Variants in MTMR7 observed in about 807,000 individuals in gnomAD.
The protein encoded by MTMR7 is myotubularin related protein 7, also known as phosphatidylinositol-3-phosphate phosphatase MTMR7.
Under a neutral mutation model 81.2 loss-of-function variants are expected in MTMR7, and 76 were observed. The observed-to-expected ratio is 0.94, with a 90% CI of 0.78 to 1.13. The LOEUF (loss-of-function observed/expected upper bound fraction) is 1.13, where lower values mean the gene tolerates loss of function less well. Ranked by LOEUF, MTMR7 falls within the 50% of genes most tolerant of loss-of-function variation. MTMR7 has a pLI of 0.00. For synonymous variants in MTMR7, 372 were observed against 289.8 expected (o/e 1.28, Z -2.88); for missense variants, 1,044 against 820.0 (o/e 1.27, Z -3.34).
intron 4 of MTMR7, among the ~76,000 whole-genome samples, chr8:17,359,702 C>G (rs919373705): frequency 1.3e-5 from 2 of 151,328 alleles, no homozygotes; most frequent in African/African-American, 2.4e-5. Flanking sequence ...AATGGTCAAT[C>G]AATATAGAAA....
chr8:17,339,020 G>A (rs1819334146), intron 6 of MTMR7: 2 of 152,108 alleles, frequency 1.3e-5, no homozygotes, highest in Admixed American at 1.3e-4. Context: ...CCATTATCCT[G>A]GACACAAATC....
Position 17,351,648 on chromosome 8 carries a change from A to T in MTMR7, c.469-2567T>A, listed in dbSNP as rs190255799. On this transcript the variant is annotated intron_variant, in intron 4 of 13. Transcript: ENST00000180173. ...ATGTGGAGGCCTCCCCTCTATGAAC[A>T]CAATACCAGTTATGAGGATTTCTGC... is the stretch of plus-strand genomic sequence containing the variant. Among the ~76,000 whole-genome samples the T allele has an allele frequency of 1.6e-3, 239 of 152,332 alleles. 1 individual carries two copies. Among genetic ancestry groups the T allele is most frequent in the African/African-American group, 5.1e-3 (210 of 41,570 alleles).
At chr8:17,366,885 C>CAAAAAA (rs1277882494) in intron 3 of MTMR7, among the ~76,000 whole-genome samples, 4 of 88,200 alleles carry the variant, frequency 4.5e-5, no homozygotes, top group African/African-American at 2.4e-4. Context: ...GACTCCATCT[C>CAAAAAA]AAAAAAAAAA....
intron 1 of MTMR7, among the ~76,000 whole-genome samples, chr8:17,393,507 C>G (rs1444476075): frequency 6.6e-6 from 1 of 152,138 alleles, no homozygotes; most frequent in African/African-American, 2.4e-5. Context: ...CCATAAAGAA[C>G]ATTTACAGCT....
intron 1 of MTMR7, among the ~76,000 whole-genome samples, chr8:17,410,062 T>A (rs1479272826): frequency 2.0e-5 from 3 of 152,050 alleles, no homozygotes; most frequent in Admixed American, 6.5e-5. Flanking sequence ...CTAGGAAACT[T>A]AGCAGGGAAG....
At chr8:17,356,508 G>C (rs1362977748) in intron 4 of MTMR7, among the ~76,000 whole-genome samples, 1 of 151,990 alleles carries the variant, frequency 6.6e-6, no homozygotes, top group Non-Finnish European at 1.5e-5. Context: ...AGACCAGCCT[G>C]GCCAACATGG....
At chr8:17,321,479 G>C (rs963123403) in intron 7 of MTMR7, among the ~76,000 whole-genome samples, 3 of 152,212 alleles carry the variant, frequency 2.0e-5, no homozygotes, top group Admixed American at 2.0e-4. Flanking sequence ...ACCACTGAGA[G>C]GGTGTTTTCT....
At chr8:17,308,256 T>G (rs1020924491) in intron 10 of MTMR7, among the ~76,000 whole-genome samples, 1 of 152,120 alleles carries the variant, frequency 6.6e-6, no homozygotes, top group Non-Finnish European at 1.5e-5. Flanking sequence ...ATTTCCATAT[T>G]CTTTCTGTCA....
chr8:17,321,779 T>G (rs4593587), intron 7 of MTMR7, among the ~76,000 whole-genome samples: 82,489 of 152,006 alleles, frequency 0.54, 23,340 homozygotes, highest in East Asian at 0.78. Context: ...TTACTAATCC[T>G]GAGTTTCATG....
chr8:17,366,464 G>C (rs1424765813), intron 3 of MTMR7, among the ~76,000 whole-genome samples: 1 of 152,034 alleles, frequency 6.6e-6, no homozygotes, highest in African/African-American at 2.4e-5. Flanking sequence ...GGGAAGGGTG[G>C]GAAAGGGAAG....
At chr8:17,350,540 T>C (rs1417849006) in intron 4 of MTMR7, among the ~76,000 whole-genome samples, 2 of 152,114 alleles carry the variant, frequency 1.3e-5, no homozygotes, top group South Asian at 2.1e-4. Context: ...GTCCCTCCCA[T>C]GACATGTTGG....
intron 3 of MTMR7, among the ~76,000 whole-genome samples, chr8:17,366,553 A>G (rs1223618280): frequency 2.0e-5 from 3 of 152,124 alleles, no homozygotes; most frequent in Non-Finnish European, 4.4e-5. Flanking sequence ...TGAAAGCTAA[A>G]TTGCATCAAA....
Position 17,360,478 on chromosome 8 carries a change from G to T in MTMR7, c.468+639C>A, listed in dbSNP as rs545196966. Among the ~76,000 whole-genome samples the T allele has an allele frequency of 1.5e-4, 21 of 143,588 alleles. No homozygotes were observed. The South Asian group carries it at 3.1e-3, about 21-fold the overall frequency. The allele number at this position is 143,588 out of a possible 152,430, so 94.2% of individuals were successfully genotyped here. On this transcript the variant is annotated intron_variant, in intron 4 of 13. Transcript: ENST00000180173. The stretch of plus-strand genomic sequence containing the variant: ...TTAAAAATGGGATGGTGGGTTTGGG[G>T]TTTTTTTTTTTCCTTTTGTAAACTA...
At chr8:17,373,859 T>C (rs908412000) in intron 1 of MTMR7, among the ~76,000 whole-genome samples, 2 of 152,220 alleles carry the variant, frequency 1.3e-5, no homozygotes, top group Non-Finnish European at 2.9e-5. Flanking sequence ...AAGAGATTTC[T>C]GGAAACAATT....
chr8:17,345,148 C>T (rs761658474), intron 5 of MTMR7, among the ~76,000 whole-genome samples: 4 of 152,160 alleles, frequency 2.6e-5, no homozygotes, highest in African/African-American at 9.7e-5. Flanking sequence ...GTGCGTAAGG[C>T]CTAAAATTAA....
chr8:17,331,179 A>G lies in MTMR7; in HGVS notation c.836T>C (p.Met279Thr). The change falls in exon 7 of 14, where the codon ATG becomes ACG. Residue 279 changes from methionine (M) to threonine (T), a missense_variant. Coordinates refer to ENST00000180173, the MANE Select transcript of MTMR7 (RefSeq NM_004686.5). ...QFIGIENIHV[M>T]RNSLQKMLEV... The stretch of plus-strand genomic sequence containing the variant: ...CAGCATTTTCTGCAGACTGTTCCTC[A>G]TGACATGGATGTTCTCTATCCCGAT... The G allele has an allele frequency of 6.2e-7, 1 of 1,612,432 alleles. No individual in the cohort carries two copies. Among genetic ancestry groups the G allele is most frequent in the Non-Finnish European group, 8.5e-7 (1 of 1,179,550 alleles).
chr8:17,405,877 C>A (rs1040376239), intron 1 of MTMR7, among the ~76,000 whole-genome samples: 9 of 38,798 alleles, frequency 2.3e-4, no homozygotes, highest in Middle Eastern at 0.019. Context: ...CACACACACA[C>A]ACCACAGAGA....
intron 7 of MTMR7, among the ~76,000 whole-genome samples, chr8:17,322,134 C>CAG (rs5889708): frequency 6.6e-6 from 1 of 151,702 alleles, no homozygotes; most frequent in East Asian, 2.0e-4. Context: ...TGAGTTCTGC[C>CAG]TGTTGGCTCT....
intron 4 of MTMR7, among the ~76,000 whole-genome samples, chr8:17,355,655 T>C (rs570230988): frequency 1.3e-5 from 2 of 151,652 alleles, no homozygotes; most frequent in African/African-American, 2.4e-5. Context: ...CTTGGAACAG[T>C]GTATCAGAAT....
Sources: gnomAD v4.1 joint callset for allele counts (sites outside exome capture counted in the v4.1 genomes callset) on GRCh38, gnomAD v4.1.1 for gene constraint, MANE v1.5 for transcripts, NCBI Gene and HGNC (gene_info 2026-07-23, HGNC 2026-07-21) for gene names.